Variants in MAGI2 observed in about 807,000 individuals in gnomAD.
MAGI2 encodes membrane associated guanylate kinase, WW and PDZ domain containing 2.
Under a neutral mutation model 133.3 loss-of-function variants are expected in MAGI2, and 35 were observed. The observed-to-expected ratio is 0.26, with a 90% CI of 0.20 to 0.35. The LOEUF (loss-of-function observed/expected upper bound fraction) is 0.35, where lower values mean the gene tolerates loss of function less well. MAGI2 is among the 10% of genes least tolerant of loss of function. MAGI2 has a pLI of 1.00. For synonymous variants in MAGI2, 729 were observed against 710.6 expected (o/e 1.03, Z -0.41); for missense variants, 1,636 against 1,863.4 (o/e 0.88, Z 2.25).
At chr7:78,674,893 T>A (rs772130607) in intron 2 of MAGI2, among the ~76,000 whole-genome samples, 9 of 152,156 alleles carry the variant, frequency 5.9e-5, no homozygotes, top group Non-Finnish European at 1.3e-4. Flanking sequence ...AGGAAAAAAG[T>A]GATTTGGCAT....
At chr7:79,342,253 C>G (rs376658210) in intron 1 of MAGI2, among the ~76,000 whole-genome samples, 1 of 152,214 alleles carries the variant, frequency 6.6e-6, no homozygotes, top group African/African-American at 2.4e-5. Context: ...CATCAGAAAG[C>G]GAAGGGCCTA....
At chr7:79,346,802 T>C (rs1046230453) in intron 1 of MAGI2, among the ~76,000 whole-genome samples, 20 of 152,048 alleles carry the variant, frequency 1.3e-4, no homozygotes, top group Non-Finnish European at 2.7e-4. Flanking sequence ...TAGGCAGAAA[T>C]GATCTCTCCT....
At chr7:78,025,781 G>A (rs1018607091) in intron 21 of MAGI2, among the ~76,000 whole-genome samples, 3 of 152,192 alleles carry the variant, frequency 2.0e-5, no homozygotes, top group African/African-American at 7.2e-5. Flanking sequence ...ACTGGGAAGA[G>A]TTCCCGCTTT....
chr7:79,028,432 A>G (rs962681189), intron 1 of MAGI2, among the ~76,000 whole-genome samples: 4 of 150,932 alleles, frequency 2.7e-5, no homozygotes, highest in Admixed American at 1.3e-4. Flanking sequence ...GGATGGTGCT[A>G]GAGAGGCAGT....
intron 1 of MAGI2, among the ~76,000 whole-genome samples, chr7:79,184,126 A>G (rs1308265806): frequency 6.6e-6 from 1 of 151,816 alleles, no homozygotes; most frequent in African/African-American, 2.4e-5. Context: ...AAAATTGCTA[A>G]AAGAATAGAT....
At chr7:79,064,021 T>C (rs1814054907) in intron 1 of MAGI2, among the ~76,000 whole-genome samples, 1 of 152,198 alleles carries the variant, frequency 6.6e-6, no homozygotes, top group African/African-American at 2.4e-5. Flanking sequence ...ATATCTCACG[T>C]ATATAGCTTC....
intron 2 of MAGI2, among the ~76,000 whole-genome samples, chr7:78,697,047 AATGCTGTT>A (rs1239372735): frequency 6.6e-6 from 1 of 152,198 alleles, no homozygotes; most frequent in Non-Finnish European, 1.5e-5. Context: ...TGTATTTTTA[AATGCTGTT>A]ATCACAAGGT....
chr7:78,040,849 G>A (rs939321181), intron 21 of MAGI2, among the ~76,000 whole-genome samples: 1 of 152,204 alleles, frequency 6.6e-6, no homozygotes, highest in Admixed American at 6.5e-5. Flanking sequence ...GCTAACTGGA[G>A]CTGTTAATCG....
In MAGI2 at chr7:78,019,752, C is replaced by T; in HGVS notation, c.3931G>A (p.Gly1311Arg). 1.9e-6 allele frequency: 3 copies of T among 1,612,032 alleles called. No individual in the cohort carries two copies. Among genetic ancestry groups the T allele is most frequent in the South Asian group, 1.1e-5 (1 of 91,048 alleles). Residue 1311 changes from glycine (G) to arginine (R), a missense_variant, in exon 22 of 22, where the codon GGG becomes AGG. Physicochemically the swap from Gly to Arg is moderately radical, Grantham distance 125 (BLOSUM62 -2). This residue lies in a region of MAGI2 where 354 missense variants were observed against 298.7 expected (regional missense o/e 1.19). Coordinates refer to ENST00000354212, the MANE Select transcript of MAGI2 (RefSeq NM_012301.4). ...SACGQKKQRL[G>R]EQRERSASPQ... ...CTCGCCGAGCGCTCCCTCTGCTCCC[C>T]GAGGCGCTGCTTCTTCTGGCCGCAG...
intron 21 of MAGI2, among the ~76,000 whole-genome samples, chr7:78,058,113 T>C (rs1296208098): frequency 6.6e-6 from 1 of 151,544 alleles, no homozygotes; most frequent in African/African-American, 2.4e-5. Context: ...ACTCCTTTTT[T>C]TGAAGGTACT....
intron 4 of MAGI2, among the ~76,000 whole-genome samples, chr7:78,514,888 C>T (rs1795909353): frequency 6.6e-6 from 1 of 152,134 alleles, no homozygotes; most frequent in African/African-American, 2.4e-5. Flanking sequence ...AGATGCAGTT[C>T]ATTTGCACTA....
chr7:79,317,601 C>G (rs780752784), intron 1 of MAGI2, among the ~76,000 whole-genome samples: 1 of 152,062 alleles, frequency 6.6e-6, no homozygotes, highest in South Asian at 2.1e-4. Flanking sequence ...TCAATGGATT[C>G]TTTACATTCT....
In MAGI2 at chr7:78,376,998, C is replaced by T. The variant is rs151333549; in HGVS notation, c.1046-7785G>A. On this transcript the variant is annotated intron_variant, in intron 6 of 21. Coordinates refer to ENST00000354212, the MANE Select transcript of MAGI2 (RefSeq NM_012301.4). The stretch of plus-strand genomic sequence containing the variant: ...ATATGGAGGACTTCAAAATATGCAT[C>T]TCCAGCTTCAACTTCTAGAAGCCTG... Among the ~76,000 whole-genome samples, 9 of 152,216 alleles carry T rather than the reference C, an allele frequency of 5.9e-5. No individual in the cohort carries two copies. The East Asian group carries it at 1.7e-3, about 29-fold the overall frequency.
chr7:78,414,139 T>C (rs1798092171), intron 6 of MAGI2, among the ~76,000 whole-genome samples: 1 of 152,040 alleles, frequency 6.6e-6, no homozygotes, highest in South Asian at 2.1e-4. Flanking sequence ...AATATTTATG[T>C]CCAAGAGTAT....
intron 2 of MAGI2, among the ~76,000 whole-genome samples, chr7:78,908,444 T>C (rs1798144833): frequency 6.6e-6 from 1 of 152,226 alleles, no homozygotes; most frequent in Non-Finnish European, 1.5e-5. Flanking sequence ...TTATTTAGTT[T>C]TCTCAAATTA....
chr7:78,681,203 GC>G (rs1815616071), intron 2 of MAGI2, among the ~76,000 whole-genome samples: 1 of 152,010 alleles, frequency 6.6e-6, no homozygotes, highest in Non-Finnish European at 1.5e-5. Flanking sequence ...GGGTGAAACT[GC>G]CCCTGTTTGA....
chr7:78,736,140 T>G (rs761726551), intron 2 of MAGI2, among the ~76,000 whole-genome samples: 6 of 152,208 alleles, frequency 3.9e-5, no homozygotes, highest in Admixed American at 2.0e-4. Context: ...GAATATCAAA[T>G]GTACCAATAC....
intron 20 of MAGI2, among the ~76,000 whole-genome samples, chr7:78,093,258 G>T (rs763281731): frequency 7.1e-4 from 106 of 150,136 alleles, no homozygotes; most frequent in Non-Finnish European, 1.2e-3. Context: ...AGGAATTCAT[G>T]ACTAGCCTGG....
intron 2 of MAGI2, among the ~76,000 whole-genome samples, chr7:78,946,366 G>A (rs1801418274): frequency 6.6e-6 from 1 of 152,100 alleles, no homozygotes; most frequent in African/African-American, 2.4e-5. Context: ...ATTAGATTTG[G>A]CACTTGAACC....
Sources: allele counts gnomAD v4.1 joint callset (sites outside exome capture counted in the v4.1 genomes callset), GRCh38; gene constraint gnomAD v4.1.1; regional missense constraint gnomAD v4.1.1; transcripts MANE v1.5; gene names NCBI Gene and HGNC (gene_info 2026-07-23, HGNC 2026-07-21).